Variants in TAF7L observed in about 807,000 individuals in gnomAD.
TAF7L encodes the protein transcription initiation factor TFIID subunit 7-like.
TAF7L carries 6 observed loss-of-function variants against 30.2 expected under a neutral mutation model. That is an observed-to-expected ratio of 0.20 (90% CI 0.11 to 0.39). The LOEUF (loss-of-function observed/expected upper bound fraction) is 0.39, where lower values mean the gene tolerates loss of function less well. Ranked by LOEUF, TAF7L falls within the 10% of genes least tolerant of loss-of-function variation. The probability of loss-of-function intolerance (pLI) is 1.00; values close to 1 mark genes in which losing one functional copy is unlikely to be tolerated. For missense variants in TAF7L, 284 were observed against 277.1 expected (o/e 1.03, Z -0.18); for synonymous variants, 93 against 94.5 (o/e 0.98, Z 0.09).
intron 12 of TAF7L, among the ~76,000 whole-genome samples, chrX:101,274,216 T>C (rs909170651): frequency 9.8e-6 from 1 of 102,384 alleles, no homozygotes; most frequent in African/African-American, 3.7e-5. Context: ...CATTTCATTA[T>C]AATTTTTTTT....
At chrX:101,285,243 C>G (rs1924540640) in intron 3 of TAF7L, among the ~76,000 whole-genome samples, 1 of 110,879 alleles carries the variant, frequency 9.0e-6, no homozygotes, top group Non-Finnish European at 1.9e-5. Context: ...CGCCTGTAAT[C>G]CCAGCACTTT....
chrX:101,292,987 A>T, upstream of TAF7L: 2 of 1,210,483 alleles, frequency 1.7e-6, no homozygotes, highest in East Asian at 5.9e-5. Flanking sequence ...CGATGTTGAA[A>T]CTGTTGGTGT....
chrX:101,292,744 G>A (rs373433659), upstream of TAF7L: 38 of 1,181,506 alleles, frequency 3.2e-5, no homozygotes, highest in African/African-American at 3.4e-4. Context: ...TTGTTTCTCC[G>A]AAAGAAGGTC....
intron 9 of TAF7L, 37 bp downstream of exon 9, chrX:101,277,569 C>G (rs747008499): frequency 8.4e-6 from 7 of 834,198 alleles, no homozygotes; most frequent in Non-Finnish European, 1.2e-5. Context: ...CAATACCTGC[C>G]CTATCTGAAA....
chrX:101,288,490 T>C (rs903430674), intron 1 of TAF7L, among the ~76,000 whole-genome samples: 1 of 108,928 alleles, frequency 9.2e-6, no homozygotes, highest in African/African-American at 3.3e-5. Flanking sequence ...TCTTTTTTTT[T>C]TCTTTTTGAG....
At chrX:101,273,937 T>C (rs912239150) in intron 12 of TAF7L, among the ~76,000 whole-genome samples, 2 of 112,139 alleles carry the variant, frequency 1.8e-5, no homozygotes, top group African/African-American at 6.5e-5. Flanking sequence ...TCAAGACCCT[T>C]TATTCTAATA....
intron 1 of TAF7L, among the ~76,000 whole-genome samples, chrX:101,290,169 C>T (rs12010583): frequency 0.11 from 11,577 of 109,975 alleles, 684 homozygotes; most frequent in African/African-American, 0.21. Context: ...TGCACTCCAG[C>T]TTGGGTGACA....
chrX:101,275,251 C>A lies in TAF7L; in HGVS notation c.1057G>T (p.Glu353Ter). The change falls in exon 12 of 13, where the codon GAG becomes TAG. Residue 353 changes from glutamate (E) to a stop codon, truncating the protein, a stop_gained. Coordinates refer to ENST00000356784, the MANE Select transcript of TAF7L (RefSeq NM_001168474.2). LOFTEE classifies it low-confidence loss of function (END_TRUNC). ...NHFQSVLEQL[E>*]LQEKQKNEKL... is the part of the protein sequence containing the mutation. Reference sequence around the variant, plus strand: ...TCATTTTTTTGTTTTTCCTGTAACTCAAGCTGCTCCAGCACAGACTGAAAA... The same window carrying A: ...TCATTTTTTTGTTTTTCCTGTAACTAAAGCTGCTCCAGCACAGACTGAAAA... 3 of 1,187,178 alleles carry A rather than the reference C, an allele frequency of 2.5e-6. No individual in the cohort carries two copies. Among genetic ancestry groups the A allele is most frequent in the Non-Finnish European group, 3.4e-6 (3 of 883,007 alleles).
At chrX:101,271,838 C>T (rs1420040254) in intron 12 of TAF7L, among the ~76,000 whole-genome samples, 1 of 112,110 alleles carries the variant, frequency 8.9e-6, no homozygotes, top group South Asian at 3.7e-4. Flanking sequence ...ATGCAGCATA[C>T]AACTGTACTT....
At chrX:101,272,933 C>T (rs987628828) in intron 12 of TAF7L, among the ~76,000 whole-genome samples, 37 of 110,012 alleles carry the variant, frequency 3.4e-4, no homozygotes, top group African/African-American at 1.2e-3. Flanking sequence ...CAGGCATACA[C>T]CACCATGCCT....
rs1924313332 is a variant in TAF7L at position 101,279,034 on chromosome X, A to T, written c.464T>A (p.Val155Asp). ...KKRFRKTQKK[V>D]PDVKEMEKSS... Reference sequence around the variant, plus strand: ...TTTTTCCATTTCTTTGACATCAGGGACCTATGAAATAAAACACAATAAACA... The same window carrying T: ...TTTTTCCATTTCTTTGACATCAGGGTCCTATGAAATAAAACACAATAAACA... The change falls in exon 7 of 13, where the codon GTC (valine) becomes GAC (aspartate). Residue 155 changes from valine to aspartate, a missense_variant and splice_region_variant. By Grantham distance (152) the Val-to-Asp change is radical (BLOSUM62 -3). Transcript: ENST00000356784. 8.3e-7 allele frequency: 1 copy of T among 1,198,918 alleles called. No homozygotes were observed. Among genetic ancestry groups the T allele is most frequent in the African/African-American group, 1.8e-5 (1 of 57,014 alleles).
At chrX:101,283,371 A>G in intron 4 of TAF7L, 79 bp downstream of exon 4, 1 of 1,044,546 alleles carries the variant, frequency 9.6e-7, no homozygotes, top group East Asian at 3.1e-5. Context: ...AGTGGAAAGG[A>G]GTACTGAAAG....
rs760318606 is a variant in TAF7L, at chrX:101,274,218, AT to A, written c.1086+1003del. On this transcript the variant is annotated intron_variant, in intron 12 of 12. Transcript: ENST00000356784. The stretch of plus-strand genomic sequence containing the variant: ...GTTAGTTCAATGTCATTTCATTATA[AT>A]TTTTTTTTTTTTTGAGACAGGGGCT... Among the ~76,000 whole-genome samples the A allele has an allele frequency of 4.1e-3, 421 of 102,116 alleles. 1 individual carries two copies. The highest frequency in any genetic ancestry group is 9.6e-3 in the African/African-American group (269 of 28,035). 88.7% of individuals were successfully genotyped at this position (102,116 alleles called of 115,157 possible).
upstream of TAF7L, among the ~76,000 whole-genome samples, chrX:101,292,094 C>T (rs1422643028): frequency 1.1e-4 from 11 of 104,177 alleles, no homozygotes; most frequent in Admixed American, 8.3e-4. Context: ...AAAAAATTAG[C>T]CGGGCGTAGT....
In TAF7L at chrX:101,283,589, G is replaced by A; in HGVS notation, c.146-6C>T. Reference sequence around the variant, plus strand: ...AACTGCATGGCGCCCATCAGCTGAAGAGAAGTAAAGATTAAAGTTGATATC... The same window carrying A: ...AACTGCATGGCGCCCATCAGCTGAAAAGAAGTAAAGATTAAAGTTGATATC... On this transcript the variant is annotated splice_polypyrimidine_tract_variant and splice_region_variant and intron_variant, in intron 3 of 12. Transcript: ENST00000356784. 2.5e-6 allele frequency: 3 copies of A among 1,208,610 alleles called. No individual in the cohort carries two copies. Among genetic ancestry groups the A allele is most frequent in the Middle Eastern group, 4.6e-4 (2 of 4,331 alleles).
chrX:101,271,745 A>G (rs1374016222), intron 12 of TAF7L, among the ~76,000 whole-genome samples: 5 of 112,043 alleles, frequency 4.5e-5, no homozygotes, highest in Admixed American at 9.5e-5. Flanking sequence ...CAGTGTCACC[A>G]GGTGACAGGA....
chrX:101,278,141 T>C lies in TAF7L; in HGVS notation c.505-20A>G, dbSNP rs186343012. The C allele has an allele frequency of 7.9e-5, 91 of 1,155,248 alleles. No homozygotes were observed. Among genetic ancestry groups the C allele is most frequent in the Admixed American group, 2.4e-4 (11 of 45,690 alleles). ...AATGTACTGAAGCAAAGTTGGGGAT[T>C]AGAGGGGGATACCAATACTGTCATT... On this transcript the variant is annotated intron_variant, in intron 7 of 12. Transcript: ENST00000356784.
At chrX:101,276,956 C>A (rs1472431605) in intron 9 of TAF7L, among the ~76,000 whole-genome samples, 1 of 99,193 alleles carries the variant, frequency 1.0e-5, no homozygotes, top group Non-Finnish European at 2.0e-5. Context: ...ATGGCAAAAC[C>A]CCATCTCTAC....
At chrX:101,282,986 T>C (rs1602958575) in intron 4 of TAF7L, among the ~76,000 whole-genome samples, 1 of 111,108 alleles carries the variant, frequency 9.0e-6, no homozygotes, top group East Asian at 2.8e-4. Context: ...GGTCTCAAAC[T>C]CCTGGGCTCA....
Sources: gnomAD v4.1 joint callset for allele counts (sites outside exome capture counted in the v4.1 genomes callset) on GRCh38, gnomAD v4.1.1 for gene constraint, MANE v1.5 for transcripts, NCBI Gene and HGNC (gene_info 2026-07-23, HGNC 2026-07-21) for gene names.